ANKS1B: variants seen among roughly 807,000 people sequenced by gnomAD.
ANKS1B encodes the protein ankyrin repeat and sterile alpha motif domain containing 1B.
Under a neutral mutation model 148.3 loss-of-function variants are expected in ANKS1B, and 36 were observed. The ratio of observed to expected loss-of-function variants is 0.24; its 90% CI spans 0.19 to 0.32. The LOEUF (loss-of-function observed/expected upper bound fraction) is 0.32, where lower values mean the gene tolerates loss of function less well. Ranked by LOEUF, ANKS1B falls within the 10% of genes least tolerant of loss-of-function variation. The probability of loss-of-function intolerance (pLI) is 1.00; values close to 1 mark genes in which losing one functional copy is unlikely to be tolerated. For missense variants in ANKS1B, 1,157 were observed against 1,542.6 expected (o/e 0.75, Z 4.19); for synonymous variants, 542 against 560.8 (o/e 0.97, Z 0.47).
chr12:99,431,463 C>A (rs116094798), intron 11 of ANKS1B, among the ~76,000 whole-genome samples: 214 of 152,258 alleles, frequency 1.4e-3, no homozygotes, highest in African/African-American at 5.0e-3. Context: ...ATGAAATGCC[C>A]TAGATCATGT....
chr12:98,958,666 T>C (rs75961979), intron 17 of ANKS1B, among the ~76,000 whole-genome samples: 2,091 of 152,314 alleles, frequency 0.014, 44 homozygotes, highest in African/African-American at 0.048. Flanking sequence ...TCATCAGTGA[T>C]TGTCAGAGTT....
chr12:99,448,753 A>C (rs1249505436), intron 10 of ANKS1B, among the ~76,000 whole-genome samples: 1 of 152,048 alleles, frequency 6.6e-6, no homozygotes, highest in Non-Finnish European at 1.5e-5. Context: ...ATAGGGAGAG[A>C]AAGAGAGAAA....
At chr12:99,495,433 T>C (rs2096595120) in intron 10 of ANKS1B, among the ~76,000 whole-genome samples, 2 of 151,624 alleles carry the variant, frequency 1.3e-5, no homozygotes, top group African/African-American at 2.4e-5. Flanking sequence ...GTTGAACAAA[T>C]TGAGATGATT....
rs12581150 is a variant in ANKS1B, at chr12:99,980,759, A to C, written c.134+3345T>G. On this transcript the variant is annotated intron_variant, in intron 1 of 26. Coordinates refer to ENST00000683438, the MANE Select transcript of ANKS1B (RefSeq NM_001352186.2). ...AATACTTATAAGAAAACAAAAATAC[A>C]TGCATCTAAAGAACTATCCTGCAGA... is the stretch of plus-strand genomic sequence containing the variant. Among the ~76,000 whole-genome samples the C allele has an allele frequency of 1.7e-3, 262 of 152,174 alleles. 7 individuals carry two copies. The East Asian group carries it at 0.042, about 25-fold the overall frequency.
At chr12:99,196,893 T>C (rs1029912978) in intron 14 of ANKS1B, among the ~76,000 whole-genome samples, 6 of 152,134 alleles carry the variant, frequency 3.9e-5, no homozygotes, top group African/African-American at 1.4e-4. Flanking sequence ...TCTTAGGTAG[T>C]TGTATCTCAT....
chr12:99,257,956 A>G (rs1007420517), intron 12 of ANKS1B, among the ~76,000 whole-genome samples: 1 of 152,198 alleles, frequency 6.6e-6, no homozygotes, highest in African/African-American at 2.4e-5. Context: ...AGCAAGAGTG[A>G]CTGGAGCAGG....
At chr12:99,777,879 T>C (rs12099557) in intron 6 of ANKS1B, among the ~76,000 whole-genome samples, 66,762 of 151,324 alleles carry the variant, frequency 0.44, 15,404 homozygotes, top group South Asian at 0.65. Flanking sequence ...CCATCGCGCC[T>C]GGCCCATGCT....
At chr12:99,942,179 CA>C (rs1258787287) in intron 1 of ANKS1B, among the ~76,000 whole-genome samples, 2 of 152,012 alleles carry the variant, frequency 1.3e-5, no homozygotes, top group African/African-American at 2.4e-5. Flanking sequence ...ATCAGAAAAT[CA>C]AACCAAGCCA....
intron 20 of ANKS1B, among the ~76,000 whole-genome samples, chr12:98,802,293 T>C (rs1238793406): frequency 6.6e-6 from 1 of 152,184 alleles, no homozygotes; most frequent in Non-Finnish European, 1.5e-5. Context: ...TGACACACTG[T>C]GGGATTTCTT....
At chr12:98,775,126 T>A (rs1274277455) in intron 24 of ANKS1B, among the ~76,000 whole-genome samples, 1 of 152,182 alleles carries the variant, frequency 6.6e-6, no homozygotes, top group Admixed American at 6.6e-5. Context: ...GTGGATTTGG[T>A]CTCACTTGTC....
At chr12:99,689,365 A>G (rs1193300688) in intron 8 of ANKS1B, among the ~76,000 whole-genome samples, 1 of 152,210 alleles carries the variant, frequency 6.6e-6, no homozygotes, top group Admixed American at 6.5e-5. Context: ...AATAATGCAA[A>G]GAAGAATACA....
intron 10 of ANKS1B, among the ~76,000 whole-genome samples, chr12:99,491,042 G>A (rs1008439481): frequency 6.6e-6 from 1 of 152,238 alleles, no homozygotes; most frequent in Non-Finnish European, 1.5e-5. Context: ...TTAAGGCTGG[G>A]CGTAGTGGCT....
Position 99,220,014 on chromosome 12 carries a change from T to G in ANKS1B, c.2419+24328A>C, listed in dbSNP as rs76523863. ...GGATATTAGACACATTATTATTACT[T>G]TTTGAGATGGAATCTTGCTCTGTCG... On this transcript the variant is annotated intron_variant, in intron 14 of 26. Coordinates refer to ENST00000683438, the MANE Select transcript of ANKS1B (RefSeq NM_001352186.2). Among the ~76,000 whole-genome samples the G allele has an allele frequency of 0.012, 1,761 of 152,310 alleles. 160 individuals carry two copies. In the East Asian group the frequency reaches 0.23, roughly 20 times the overall value.
intron 17 of ANKS1B, chr12:98,893,534 T>C (rs2099757105): frequency 6.6e-6 from 1 of 152,256 alleles, no homozygotes; most frequent in South Asian, 2.1e-4. Context: ...AGTCTTAGGT[T>C]GTACCTAAAT....
intron 9 of ANKS1B, among the ~76,000 whole-genome samples, chr12:99,588,557 C>G (rs919213546): frequency 6.6e-6 from 1 of 151,488 alleles, no homozygotes; most frequent in East Asian, 1.9e-4. Flanking sequence ...TCTGGGACTA[C>G]AGGCACCCGC....
At chr12:99,703,215 G>C (rs535722485) in intron 8 of ANKS1B, among the ~76,000 whole-genome samples, 91 of 152,166 alleles carry the variant, frequency 6.0e-4, no homozygotes, top group Non-Finnish European at 1.1e-3. Flanking sequence ...AGATCAATCT[G>C]AAATATTCCA....
At chr12:99,016,173 GAATTTCTTTGTTAGACATTTGCTATGAA>G (rs139559956) in intron 17 of ANKS1B, among the ~76,000 whole-genome samples, 7,630 of 152,196 alleles carry the variant, frequency 0.05, 391 homozygotes, top group African/African-American at 0.12. Flanking sequence ...CAGCTAACAT[GAATTTCTTTGTTAGACATTTGCTATGAA>G]GGATCTTTGA....
At chr12:99,275,285 A>G (rs2077535861) in intron 12 of ANKS1B, among the ~76,000 whole-genome samples, 1 of 152,176 alleles carries the variant, frequency 6.6e-6, no homozygotes, top group Admixed American at 6.5e-5. Context: ...ATCAAATACT[A>G]GATTCTATTC....
rs35841923 is a variant in ANKS1B at position 99,258,103 on chromosome 12, C to CA, written c.1757-11240dup. Among the ~76,000 whole-genome samples, 580 of 152,078 alleles carry CA rather than the reference C, an allele frequency of 3.8e-3. 1 individual carries two copies. Among genetic ancestry groups the CA allele is most frequent in the African/African-American group, 0.013 (555 of 41,486 alleles). Reference sequence around the variant, plus strand: ...ATGTACATTTGTGACAATTTCACTTCAAAAAAACCACAGTTTATTAGGAAT... The same window carrying CA: ...ATGTACATTTGTGACAATTTCACTTCAAAAAAAACCACAGTTTATTAGGAAT... On this transcript the variant is annotated intron_variant, in intron 12 of 26. Transcript: ENST00000683438.
Sources: allele counts gnomAD v4.1 joint callset (sites outside exome capture counted in the v4.1 genomes callset), GRCh38; gene constraint gnomAD v4.1.1; transcripts MANE v1.5; gene names NCBI Gene and HGNC (gene_info 2026-07-23, HGNC 2026-07-21).